RELN: variants seen among roughly 807,000 people sequenced by gnomAD.
The protein encoded by RELN is reelin.
RELN carries 108 observed loss-of-function variants against 427.6 expected under a neutral mutation model. That is an observed-to-expected ratio of 0.25 (90% CI 0.22 to 0.30). RELN has a LOEUF of 0.30. Ranked by LOEUF, RELN falls within the 10% of genes least tolerant of loss-of-function variation. The probability of loss-of-function intolerance (pLI) is 1.00; values close to 1 mark genes in which losing one functional copy is unlikely to be tolerated. For synonymous variants in RELN, 1,524 were observed against 1,513.4 expected, an observed-to-expected ratio of 1.01 and a Z score of -0.16; for missense variants, 3,715 against 4,302.8, an observed-to-expected ratio of 0.86 and a Z score of 3.82.
chr7:103,479,241 TTC>T (rs1459239654), intron 63 of RELN, among the ~76,000 whole-genome samples: 4 of 152,174 alleles, frequency 2.6e-5, no homozygotes, highest in African/African-American at 7.2e-5. Context: ...AGACAACAAA[TTC>T]TCTTTTATCC....
chr7:103,752,120 A>C (rs1013628210), intron 5 of RELN, among the ~76,000 whole-genome samples: 1 of 152,184 alleles, frequency 6.6e-6, no homozygotes, highest in African/African-American at 2.4e-5. Flanking sequence ...TTTACCATAC[A>C]CTTTATGAAA....
chr7:103,777,273 A>T (rs1791768525), intron 3 of RELN, among the ~76,000 whole-genome samples: 1 of 152,148 alleles, frequency 6.6e-6, no homozygotes, highest in Non-Finnish European at 1.5e-5. Context: ...TGGCTATAAT[A>T]AAAAAAGTCT....
intron 41 of RELN, among the ~76,000 whole-genome samples, chr7:103,548,116 C>G (rs958342966): frequency 1.3e-5 from 2 of 152,132 alleles, no homozygotes; most frequent in Non-Finnish European, 2.9e-5. Context: ...CAAAAACAAT[C>G]AGGAACTTTT....
intron 11 of RELN, among the ~76,000 whole-genome samples, chr7:103,678,567 A>G (rs778616083): frequency 2.6e-5 from 4 of 152,206 alleles, no homozygotes; most frequent in African/African-American, 9.6e-5. Flanking sequence ...ATGGTGGGAA[A>G]ATATGGATAA....
chr7:103,514,454 G>T (rs1373283218), intron 50 of RELN, among the ~76,000 whole-genome samples: 1 of 152,108 alleles, frequency 6.6e-6, no homozygotes, highest in East Asian at 1.9e-4. Context: ...GAGGTTGGGG[G>T]TTCAAGACCA....
chr7:103,774,628 A>T (rs1216623643), intron 4 of RELN, among the ~76,000 whole-genome samples: 1 of 152,228 alleles, frequency 6.6e-6, no homozygotes, highest in Non-Finnish European at 1.5e-5. Flanking sequence ...AAATGATTAC[A>T]TGATAAAATG....
At chr7:103,477,122 A>C (rs1476000260) in intron 64 of RELN, among the ~76,000 whole-genome samples, 1 of 152,194 alleles carries the variant, frequency 6.6e-6, no homozygotes, top group East Asian at 1.9e-4. Flanking sequence ...GTAAATGTCC[A>C]TTATTGCCAA....
intron 2 of RELN, among the ~76,000 whole-genome samples, chr7:103,862,409 TTCTATCTA>T (rs66998908): frequency 0.12 from 17,798 of 144,516 alleles, 1,295 homozygotes; most frequent in Middle Eastern, 0.17. Flanking sequence ...TATGCTTTTG[TTCTATCTA>T]TCTATCTATC....
At chr7:103,763,647 G>A (rs1052333954) in intron 4 of RELN, among the ~76,000 whole-genome samples, 3 of 152,196 alleles carry the variant, frequency 2.0e-5, no homozygotes, top group Admixed American at 6.5e-5. Context: ...GCATATATGA[G>A]CTACAGTGAT....
At chr7:103,745,418 C>T (rs1485030460) in intron 6 of RELN, among the ~76,000 whole-genome samples, 6 of 150,222 alleles carry the variant, frequency 4.0e-5, no homozygotes, top group Non-Finnish European at 8.8e-5. Context: ...CTGGCCAGGG[C>T]AATTAGGCAG....
At chr7:103,528,550 G>A (rs534696544) in intron 46 of RELN, among the ~76,000 whole-genome samples, 2 of 151,614 alleles carry the variant, frequency 1.3e-5, no homozygotes, top group Admixed American at 6.6e-5. Flanking sequence ...TTGAGACAGG[G>A]TCTCATCTTG....
chr7:103,511,052 A>G, intron 50 of RELN, 47 bp from the exon 51 acceptor site: 1 of 1,448,258 alleles, frequency 6.9e-7, no homozygotes, highest in Non-Finnish European at 9.7e-7. Context: ...TGACAAAAAT[A>G]CTTGAAGCAA....
chr7:103,691,997 C>A (rs1833882283), intron 10 of RELN, among the ~76,000 whole-genome samples: 1 of 152,104 alleles, frequency 6.6e-6, no homozygotes, highest in East Asian at 1.9e-4. Context: ...CCCAAGACCA[C>A]ATGGCTAACA....
At chr7:103,862,415 C>G (rs1311742348) in intron 2 of RELN, among the ~76,000 whole-genome samples, 1 of 96,442 alleles carries the variant, frequency 1.0e-5, no homozygotes, top group Non-Finnish European at 2.6e-5. Context: ...TTTGTTCTAT[C>G]TATCTATCTA....
intron 3 of RELN, among the ~76,000 whole-genome samples, chr7:103,792,504 T>C (rs1792189696): frequency 1.6e-5 from 2 of 122,820 alleles, no homozygotes; most frequent in African/African-American, 3.2e-5. Flanking sequence ...TTATATGAAA[T>C]GTCCAGAATA....
intron 64 of RELN, among the ~76,000 whole-genome samples, chr7:103,475,662 C>G (rs1380462257): frequency 1.3e-5 from 2 of 152,128 alleles, no homozygotes; most frequent in African/African-American, 2.4e-5. Context: ...AACAAAAGAA[C>G]ATTCAGTTTT....
chr7:103,643,675 C>A (rs986115822), intron 16 of RELN, among the ~76,000 whole-genome samples: 1 of 151,904 alleles, frequency 6.6e-6, no homozygotes. Flanking sequence ...AAAGAAAATT[C>A]CATCAGACTA....
rs1408163355 is a variant in RELN, at chr7:103,989,087, G to A, written c.226+44C>T. ...AAGGGATGAGAAAGGTGCGCTGGCG[G>A]GCGCACCCGGCGGCGGCGAGCGCGG... On this transcript the variant is annotated intron_variant, in intron 1 of 64. Transcript: ENST00000428762. This position sits in a 1 kb window ranked among gnomAD's most constrained non-coding sequence, Gnocchi z 4.9. 6 of 1,536,920 alleles carry A rather than the reference G, an allele frequency of 3.9e-6. No homozygotes were observed. The East Asian group carries it at 6.8e-5, about 17-fold the overall frequency.
At chr7:103,735,824 C>T (rs893116483) in intron 6 of RELN, among the ~76,000 whole-genome samples, 4 of 152,096 alleles carry the variant, frequency 2.6e-5, no homozygotes, top group Non-Finnish European at 5.9e-5. Context: ...CTGAAGGAGT[C>T]AGTGTCTGAC....
Sources: allele counts gnomAD v4.1 joint callset (sites outside exome capture counted in the v4.1 genomes callset), GRCh38; gene constraint gnomAD v4.1.1; non-coding constraint Gnocchi (gnomAD v3.1); transcripts MANE v1.5; gene names NCBI Gene and HGNC (gene_info 2026-07-23, HGNC 2026-07-21).